Variants in ZCCHC17 observed in about 807,000 individuals in gnomAD.
ZCCHC17 encodes the protein zinc finger CCHC-type containing 17, also known as zinc finger CCHC domain-containing protein 17.
Under a neutral mutation model 30.6 loss-of-function variants are expected in ZCCHC17, and 18 were observed. That is an observed-to-expected ratio of 0.59 (90% CI 0.41 to 0.87). ZCCHC17 has a LOEUF of 0.87. Ranked by LOEUF, ZCCHC17 falls within the 40% of genes least tolerant of loss-of-function variation. The pLI, the probability that ZCCHC17 is intolerant of heterozygous loss-of-function variation, is 0.00. For missense variants in ZCCHC17, 263 were observed against 284.2 expected (o/e 0.93, Z 0.54); for synonymous variants, 88 against 92.4 (o/e 0.95, Z 0.27).
rs200802475 is a variant in ZCCHC17 at position 31,326,291 on chromosome 1, TA to T, written c.124+7135del. Among the ~76,000 whole-genome samples the T allele has an allele frequency of 5.7e-4, 85 of 150,056 alleles. 1 individual carries two copies. Among genetic ancestry groups the T allele is most frequent in the African/African-American group, 1.9e-3 (79 of 41,002 alleles). On this transcript the variant is annotated intron_variant, in intron 3 of 7. Coordinates refer to ENST00000344147, the MANE Select transcript of ZCCHC17 (RefSeq NM_016505.4). ...GAAATTTTTTTTAAGTTTTTTCTGT[TA>T]AAAAAAAAATCCAAGAGGTGATCTT...
chr1:31,338,381 CTT>C (rs760705788), intron 4 of ZCCHC17, among the ~76,000 whole-genome samples: 10 of 152,060 alleles, frequency 6.6e-5, no homozygotes, highest in East Asian at 1.9e-4. Flanking sequence ...GGAAAGGACT[CTT>C]TGAGGAGATA....
chr1:31,314,143 G>C (rs1006560470), intron 2 of ZCCHC17, among the ~76,000 whole-genome samples: 3 of 152,130 alleles, frequency 2.0e-5, no homozygotes, highest in Non-Finnish European at 4.4e-5. Context: ...GGGATTACAG[G>C]TGTGAGCCAC....
At chr1:31,308,316 G>A (rs1646516127) in intron 1 of ZCCHC17, among the ~76,000 whole-genome samples, 1 of 152,178 alleles carries the variant, frequency 6.6e-6, no homozygotes, top group African/African-American at 2.4e-5. Flanking sequence ...TTGAGGACAG[G>A]GATGTTCCTG....
chr1:31,354,534 A>G (rs1011078095), intron 7 of ZCCHC17, among the ~76,000 whole-genome samples: 7 of 151,974 alleles, frequency 4.6e-5, no homozygotes, highest in African/African-American at 7.2e-5. Flanking sequence ...CTGTGATTCT[A>G]TTTGTATGTT....
rs145987699 is a variant in ZCCHC17, at chr1:31,297,800, G to A, written c.-56+725G>A. ...GTGTTGTAATTAATTAGGTGAAGAA[G>A]TGAAGGCAGAACCTTCCATAGAGAA... is the stretch of plus-strand genomic sequence containing the variant. On this transcript the variant is annotated intron_variant, in intron 1 of 7. Transcript: ENST00000344147. Among the ~76,000 whole-genome samples the A allele has an allele frequency of 1.3e-3, 200 of 152,346 alleles. 1 individual carries two copies. The highest frequency in any genetic ancestry group is 4.6e-3 in the African/African-American group (192 of 41,578).
chr1:31,328,164 C>T (rs540275311), intron 3 of ZCCHC17, among the ~76,000 whole-genome samples: 1 of 152,264 alleles, frequency 6.6e-6, no homozygotes, highest in South Asian at 2.1e-4. Context: ...GATAACTGTT[C>T]TTACAGTATG....
At chr1:31,337,853 A>G (rs552147301) in intron 4 of ZCCHC17, among the ~76,000 whole-genome samples, 1 of 152,362 alleles carries the variant, frequency 6.6e-6, no homozygotes, top group East Asian at 1.9e-4. Context: ...GCATGAAAGA[A>G]CTATTATTCA....
chr1:31,351,479 A>G (rs1236801041), intron 7 of ZCCHC17, among the ~76,000 whole-genome samples: 1 of 151,058 alleles, frequency 6.6e-6, no homozygotes, highest in East Asian at 1.9e-4. Flanking sequence ...TTGGCTGGGC[A>G]TGGTGGCTCA....
At chr1:31,318,580 G>C (rs956013351) in intron 2 of ZCCHC17, among the ~76,000 whole-genome samples, 1 of 152,112 alleles carries the variant, frequency 6.6e-6, no homozygotes, top group Non-Finnish European at 1.5e-5. Flanking sequence ...TGAAACCCAA[G>C]ACTCAGACTT....
chr1:31,315,564 T>G (rs998298357), intron 2 of ZCCHC17, among the ~76,000 whole-genome samples: 1 of 152,270 alleles, frequency 6.6e-6, no homozygotes, highest in East Asian at 1.9e-4. Flanking sequence ...CGAAATAGCA[T>G]TGGACTAGAA....
intron 2 of ZCCHC17, among the ~76,000 whole-genome samples, chr1:31,312,819 G>A (rs1428132657): frequency 6.6e-6 from 1 of 152,106 alleles, no homozygotes; most frequent in Non-Finnish European, 1.5e-5. Flanking sequence ...GAGTGCAATG[G>A]TGTGATCTCA....
chr1:31,310,693 C>G (rs1244741153), intron 2 of ZCCHC17, among the ~76,000 whole-genome samples: 1 of 152,184 alleles, frequency 6.6e-6, no homozygotes, highest in Non-Finnish European at 1.5e-5. Context: ...AACTATGAGC[C>G]AAATAAATTT....
At chr1:31,311,724 G>A (rs1646607158) in intron 2 of ZCCHC17, among the ~76,000 whole-genome samples, 2 of 152,206 alleles carry the variant, frequency 1.3e-5, no homozygotes, top group South Asian at 4.1e-4. Context: ...CATTCATGAG[G>A]GGCCTAAGGG....
chr1:31,363,225 C>G (rs1639990764), intron 7 of ZCCHC17, among the ~76,000 whole-genome samples: 1 of 150,530 alleles, frequency 6.6e-6, no homozygotes, highest in Admixed American at 6.6e-5. Flanking sequence ...GCTCTGTCGC[C>G]AAGGCTGGAG....
At position 31,364,205 on chromosome 1, in the gene ZCCHC17, G is replaced by C; in HGVS notation, c.*12G>C. 8.7e-6 allele frequency: 14 copies of C among 1,607,236 alleles called. No homozygotes were observed. Among genetic ancestry groups the C allele is most frequent in the Non-Finnish European group, 1.2e-5 (14 of 1,177,824 alleles). On this transcript the variant is annotated 3_prime_UTR_variant, in exon 8 of 8. Transcript: ENST00000344147. ...AGCACAAGGAGTGAGAGTATAAAGAGTGTAGGGGGTGGTTGAGAGTAAGAA... is the reference window on the plus strand; with the variant it reads ...AGCACAAGGAGTGAGAGTATAAAGACTGTAGGGGGTGGTTGAGAGTAAGAA...
intron 7 of ZCCHC17, among the ~76,000 whole-genome samples, chr1:31,355,044 G>A (rs1434126314): frequency 1.3e-5 from 2 of 151,868 alleles, no homozygotes; most frequent in Non-Finnish European, 2.9e-5. Flanking sequence ...GCGTGGTGGC[G>A]AGGGCCTGTA....
intron 3 of ZCCHC17, among the ~76,000 whole-genome samples, chr1:31,325,865 C>A (rs1437475350): frequency 6.6e-6 from 1 of 152,044 alleles, no homozygotes; most frequent in Non-Finnish European, 1.5e-5. Context: ...TCTTGTGACA[C>A]CATCTTTACA....
chr1:31,302,662 C>T (rs1234249571), intron 1 of ZCCHC17, among the ~76,000 whole-genome samples: 1 of 152,112 alleles, frequency 6.6e-6, no homozygotes, highest in Non-Finnish European at 1.5e-5. Flanking sequence ...GTTTAATTGA[C>T]TCACAGTTCT....
rs1646803765 is a variant in ZCCHC17, at chr1:31,319,173, GT to G, written c.124+10del. 1 of 1,607,624 alleles carries G rather than the reference GT, an allele frequency of 6.2e-7. No individual in the cohort carries two copies. The highest frequency in any genetic ancestry group is 8.5e-7 in the Non-Finnish European group (1 of 1,175,204). ...CCAGGCTGTCGGAAGCAAGGTAGGA[GT>G]TTATAACTTGAAATTCAGCCCTCTG... On this transcript the variant is annotated splice_region_variant and intron_variant, in intron 3 of 7. Coordinates refer to ENST00000344147, the MANE Select transcript of ZCCHC17 (RefSeq NM_016505.4).
Sources: allele counts gnomAD v4.1 joint callset (sites outside exome capture counted in the v4.1 genomes callset), GRCh38; gene constraint gnomAD v4.1.1; transcripts MANE v1.5; gene names NCBI Gene and HGNC (gene_info 2026-07-23, HGNC 2026-07-21).